Variants in PPP2R5E observed in about 807,000 individuals in gnomAD.
The protein encoded by PPP2R5E is serine/threonine-protein phosphatase 2A 56 kDa regulatory subunit epsilon isoform.
PPP2R5E carries 4 observed loss-of-function variants against 65.3 expected under a neutral mutation model. The ratio of observed to expected loss-of-function variants is 0.06; its 90% CI spans 0.03 to 0.14. The LOEUF (loss-of-function observed/expected upper bound fraction) is 0.14, where lower values mean the gene tolerates loss of function less well. Ranked by LOEUF, PPP2R5E falls within the 10% of genes least tolerant of loss-of-function variation. The pLI is 1.00. For missense variants in PPP2R5E, 274 were observed against 556.1 expected (o/e 0.49, Z 5.10); for synonymous variants, 183 against 187.4 (o/e 0.98, Z 0.19).
At chr14:63,523,105 C>A (rs1235158909) in intron 2 of PPP2R5E, among the ~76,000 whole-genome samples, 3 of 149,940 alleles carry the variant, frequency 2.0e-5, no homozygotes, top group African/African-American at 7.5e-5. Flanking sequence ...GCCCCCCGCC[C>A]GGCCAGCAGC....
chr14:63,394,773 G>C (rs867497332), intron 7 of PPP2R5E, among the ~76,000 whole-genome samples: 1 of 152,176 alleles, frequency 6.6e-6, no homozygotes, highest in African/African-American at 2.4e-5. Flanking sequence ...TTACACCACA[G>C]CTCTTTCCAA....
intron 2 of PPP2R5E, among the ~76,000 whole-genome samples, chr14:63,465,471 A>AC (rs1555362946): frequency 1.4e-4 from 11 of 78,366 alleles, no homozygotes; most frequent in African/African-American, 1.0e-3. Context: ...AAAAAAAAAA[A>AC]AACAACAACT....
chr14:63,512,536 A>G (rs1892507255), intron 2 of PPP2R5E, among the ~76,000 whole-genome samples: 1 of 152,214 alleles, frequency 6.6e-6, no homozygotes, highest in Non-Finnish European at 1.5e-5. Flanking sequence ...TTGGAAAGGC[A>G]GATTTGAGAC....
chr14:63,403,590 T>C (rs1050909398), intron 5 of PPP2R5E, among the ~76,000 whole-genome samples: 2 of 145,842 alleles, frequency 1.4e-5, no homozygotes, highest in South Asian at 2.2e-4. Context: ...TGGCCCAGAG[T>C]GCCAATTAGA....
chr14:63,463,393 C>T (rs1412992259), intron 2 of PPP2R5E, among the ~76,000 whole-genome samples: 1 of 151,434 alleles, frequency 6.6e-6, no homozygotes, highest in Non-Finnish European at 1.5e-5. Flanking sequence ...CCCACCTCGG[C>T]CTCCCAAAGT....
intron 2 of PPP2R5E, among the ~76,000 whole-genome samples, chr14:63,522,458 G>A (rs1207419159): frequency 6.6e-6 from 1 of 150,448 alleles, no homozygotes; most frequent in South Asian, 2.1e-4. Context: ...TGGAAAGTGA[G>A]GAGCGTCTCT....
At chr14:63,513,819 G>A (rs1258587772) in intron 2 of PPP2R5E, among the ~76,000 whole-genome samples, 1 of 152,096 alleles carries the variant, frequency 6.6e-6, no homozygotes, top group African/African-American at 2.4e-5. Flanking sequence ...GCCAGAACTG[G>A]GGCCTCTGAG....
chr14:63,399,349 T>C (rs1338756006), intron 5 of PPP2R5E, among the ~76,000 whole-genome samples: 2 of 141,906 alleles, frequency 1.4e-5, no homozygotes, highest in East Asian at 4.4e-4. Flanking sequence ...TGGCTACTAA[T>C]AGGTCTGGAT....
At chr14:63,539,167 T>C (rs1021091740) in intron 2 of PPP2R5E, among the ~76,000 whole-genome samples, 1 of 152,240 alleles carries the variant, frequency 6.6e-6, no homozygotes, top group African/African-American at 2.4e-5. Context: ...TACTAGGGTC[T>C]ACTTCCTAAG....
At chr14:63,430,389 A>ACATACATGCATGCATG (rs1555359673) in intron 3 of PPP2R5E, among the ~76,000 whole-genome samples, 9 of 142,590 alleles carry the variant, frequency 6.3e-5, no homozygotes, top group African/African-American at 2.0e-4. Context: ...ATACATACAT[A>ACATACATGCATGCATG]CATACATACA....
chr14:63,495,619 T>C lies in PPP2R5E; in HGVS notation c.158-41734A>G, dbSNP rs1386847292. Among the ~76,000 whole-genome samples, 4 of 151,914 alleles carry C rather than the reference T, an allele frequency of 2.6e-5. No homozygotes were observed. The East Asian group carries it at 7.7e-4, about 29-fold the overall frequency. On this transcript the variant is annotated intron_variant, in intron 2 of 13. Coordinates refer to ENST00000337537, the MANE Select transcript of PPP2R5E (RefSeq NM_006246.5). ...AAATAAACATGTCTACATATATGTA[T>C]ATGTAGACAAAAAAGTCTAAAAGAA... is the stretch of plus-strand genomic sequence containing the variant.
intron 13 of PPP2R5E, among the ~76,000 whole-genome samples, chr14:63,379,826 C>CTCTCTTTTTTTTT (rs528081976): frequency 2.0e-5 from 2 of 100,300 alleles, no homozygotes; most frequent in African/African-American, 1.0e-4. Flanking sequence ...TATTCTCTCT[C>CTCTCTTTTTTTTT]TTTTTTTTTT....
chr14:63,493,461 C>T (rs148664428), intron 2 of PPP2R5E, among the ~76,000 whole-genome samples: 13 of 136,506 alleles, frequency 9.5e-5, no homozygotes, highest in East Asian at 2.1e-4. Context: ...TCTCTCCAGA[C>T]ATTGCCAAAT....
At chr14:63,380,432 G>A (rs1884279757) in intron 13 of PPP2R5E, among the ~76,000 whole-genome samples, 1 of 152,128 alleles carries the variant, frequency 6.6e-6, no homozygotes, top group Non-Finnish European at 1.5e-5. Context: ...GGAGGCCGAG[G>A]CAGGTGGATC....
At chr14:63,530,778 C>G (rs1183197353) in intron 2 of PPP2R5E, among the ~76,000 whole-genome samples, 1 of 151,248 alleles carries the variant, frequency 6.6e-6, no homozygotes, top group African/African-American at 2.4e-5. Context: ...CCACGCCTGA[C>G]TAATTTTTTT....
chr14:63,451,610 T>C (rs1245087692), intron 3 of PPP2R5E: 1 of 152,216 alleles, frequency 6.6e-6, no homozygotes, highest in African/African-American at 2.4e-5. Context: ...CAGTGATGTA[T>C]GGTATGTATG....
intron 2 of PPP2R5E, among the ~76,000 whole-genome samples, chr14:63,465,018 G>T (rs1482674657): frequency 7.1e-6 from 1 of 140,492 alleles, no homozygotes; most frequent in Non-Finnish European, 1.5e-5. Flanking sequence ...GTGAGACTCT[G>T]TCTCAAGAAG....
chr14:63,513,881 G>C (rs1487903962), intron 2 of PPP2R5E, among the ~76,000 whole-genome samples: 1 of 152,142 alleles, frequency 6.6e-6, no homozygotes, highest in Non-Finnish European at 1.5e-5. Context: ...GAAAGGACTA[G>C]AATATCACAC....
At chr14:63,492,815 AAC>A (rs1169463860) in intron 2 of PPP2R5E, among the ~76,000 whole-genome samples, 3 of 152,182 alleles carry the variant, frequency 2.0e-5, no homozygotes, top group African/African-American at 7.2e-5. Context: ...AGGGGTACTT[AAC>A]AGCAAAACAA....
Sources: gnomAD v4.1 joint callset for allele counts (sites outside exome capture counted in the v4.1 genomes callset) on GRCh38, gnomAD v4.1.1 for gene constraint, MANE v1.5 for transcripts, NCBI Gene and HGNC (gene_info 2026-07-23, HGNC 2026-07-21) for gene names.